FAM184B: variants seen among roughly 807,000 people sequenced by gnomAD.
FAM184B encodes family with sequence similarity 184 member B.
FAM184B carries 111 observed loss-of-function variants against 135.9 expected under a neutral mutation model. The observed-to-expected ratio is 0.82, with a 90% CI of 0.70 to 0.96. The LOEUF is 0.96. Ranked by LOEUF, FAM184B falls within the 40% of genes least tolerant of loss-of-function variation. The pLI, the probability that FAM184B is intolerant of heterozygous loss-of-function variation, is 0.00. For missense variants in FAM184B, 1,375 were observed against 1,323.9 expected (o/e 1.04, Z -0.60); for synonymous variants, 552 against 524.8 (o/e 1.05, Z -0.71).
intron 1 of FAM184B, among the ~76,000 whole-genome samples, chr4:17,765,864 G>T (rs902357195): frequency 6.6e-6 from 1 of 151,962 alleles, no homozygotes; most frequent in East Asian, 1.9e-4. Flanking sequence ...TGGAGAGTTC[G>T]GGGTCTCCCT....
At chr4:17,671,009 G>A (rs1174523141) in intron 7 of FAM184B, among the ~76,000 whole-genome samples, 1 of 152,168 alleles carries the variant, frequency 6.6e-6, no homozygotes, top group Non-Finnish European at 1.5e-5. Flanking sequence ...ATGGTAGAAG[G>A]AAGTCCTGAT....
chr4:17,662,888 C>G (rs1356051156), intron 8 of FAM184B, among the ~76,000 whole-genome samples: 2 of 152,136 alleles, frequency 1.3e-5, no homozygotes, highest in Non-Finnish European at 2.9e-5. Context: ...TTCCTGATGA[C>G]TAATGATGTT....
chr4:17,632,570 G>A lies in FAM184B; in HGVS notation c.3145C>T (p.Pro1049Ser). 6.4e-7 allele frequency: 1 copy of A among 1,551,434 alleles called. No homozygotes were observed. Among genetic ancestry groups the A allele is most frequent in the Non-Finnish European group, 8.7e-7 (1 of 1,146,800 alleles). Reference protein sequence around the residue: ...AKEVQQKQGSPHQEWFTKYFS... With the variant: ...AKEVQQKQGSSHQEWFTKYFS... The stretch of plus-strand genomic sequence containing the variant: ...TACTTGGTGAACCATTCCTGGTGCG[G>A]AGAGCCCTGTTTCTGCTGGACTTCT... The change falls in exon 18 of 18, where the codon CCG (proline) becomes TCG (serine). Residue 1049 changes from proline to serine, a missense_variant. Pro to Ser is a moderately conservative substitution (Grantham distance 74). Coordinates refer to ENST00000265018, the MANE Select transcript of FAM184B (RefSeq NM_015688.2).
At chr4:17,721,762 A>C (rs1008709035) in intron 1 of FAM184B, among the ~76,000 whole-genome samples, 2 of 152,188 alleles carry the variant, frequency 1.3e-5, no homozygotes, top group African/African-American at 2.4e-5. Flanking sequence ...GCCCTGCCCC[A>C]GACAGCCTGA....
chr4:17,672,038 A>G (rs1716179025), intron 7 of FAM184B, among the ~76,000 whole-genome samples: 2 of 152,178 alleles, frequency 1.3e-5, no homozygotes, highest in South Asian at 4.1e-4. Flanking sequence ...GGAAATAAGC[A>G]TGCAGATCCA....
intron 5 of FAM184B, among the ~76,000 whole-genome samples, chr4:17,698,964 A>G (rs1243887319): frequency 6.6e-6 from 1 of 152,136 alleles, no homozygotes; most frequent in Non-Finnish European, 1.5e-5. Context: ...AATAAAAAAG[A>G]CCCAAAAGTG....
chr4:17,654,887 C>G (rs75594511), intron 10 of FAM184B, among the ~76,000 whole-genome samples: 3,663 of 152,288 alleles, frequency 0.024, 139 homozygotes, highest in African/African-American at 0.083. Context: ...AGGTCTCACT[C>G]TGTTGCCCAG....
chr4:17,710,744 G>C (rs750931850), intron 1 of FAM184B, among the ~76,000 whole-genome samples: 1 of 152,206 alleles, frequency 6.6e-6, no homozygotes, highest in Admixed American at 6.5e-5. Context: ...TGAGAAGCCC[G>C]GGAATGAAGA....
intron 7 of FAM184B, among the ~76,000 whole-genome samples, chr4:17,671,032 C>T (rs1716158915): frequency 6.6e-6 from 1 of 151,904 alleles, no homozygotes; most frequent in African/African-American, 2.4e-5. Flanking sequence ...CTTTTTTCCC[C>T]AATAAGCATA....
chr4:17,689,553 C>G (rs1716672098), intron 6 of FAM184B, among the ~76,000 whole-genome samples: 1 of 152,110 alleles, frequency 6.6e-6, no homozygotes, highest in South Asian at 2.1e-4. Context: ...CCCAATGACA[C>G]TCAGTAGAGA....
rs138935974 is a variant in FAM184B at position 17,711,119 on chromosome 4, G to A, written c.142-1475C>T. On this transcript the variant is annotated intron_variant, in intron 1 of 17. Transcript: ENST00000265018. ...TGTAATCCCAGCACTTTGGGAGGCT[G>A]AGGTAGGAGGATTACTTGAGCATAA... Among the ~76,000 whole-genome samples the A allele has an allele frequency of 1.7e-3, 256 of 152,184 alleles. 1 individual carries two copies. Among genetic ancestry groups the A allele is most frequent in the African/African-American group, 5.8e-3 (239 of 41,514 alleles).
At chr4:17,761,409 GTTGT>G (rs1718544220) in intron 1 of FAM184B, among the ~76,000 whole-genome samples, 1 of 152,192 alleles carries the variant, frequency 6.6e-6, no homozygotes, top group African/African-American at 2.4e-5. Context: ...ATAAATATCT[GTTGT>G]TTAAGCTATC....
chr4:17,734,464 T>G (rs1457925341), intron 1 of FAM184B, among the ~76,000 whole-genome samples: 1 of 151,922 alleles, frequency 6.6e-6, no homozygotes, highest in Non-Finnish European at 1.5e-5. Flanking sequence ...GAATCTACAA[T>G]GAACTCAAAC....
rs956344369 is a variant in FAM184B at position 17,631,799 on chromosome 4, A to G, written c.*733T>C. The G allele has an allele frequency of 6.6e-6, 1 of 152,020 alleles. No homozygotes were observed. The highest frequency in any genetic ancestry group is 2.4e-5 in the African/African-American group (1 of 41,358). The allele number at this position is 152,020 out of a possible 1,614,324, so 9.4% of individuals were successfully genotyped here. A position where few individuals can be genotyped will look rare whatever the true frequency, so the allele number is the denominator to read the frequency against. On this transcript the variant is annotated 3_prime_UTR_variant, in exon 18 of 18. Transcript: ENST00000265018. ...CTGTTTAACTGTTATTTGTCTTCCT[A>G]TTGAGGTTAGATGTGCATTTTGGAA...
In FAM184B at chr4:17,746,838, G is replaced by A. The variant is rs551704122; in HGVS notation, c.141+34321C>T. 2.0e-5 allele frequency among the ~76,000 whole-genome samples: 3 copies of A among 151,884 alleles called. No homozygotes were observed. The South Asian group carries it at 6.2e-4, about 32-fold the overall frequency. ...GGATCACCTGAGGTCAGGAGTTCGAGACCAGCCTGACCAACATGGAGAAAC... is the reference window on the plus strand; with the variant it reads ...GGATCACCTGAGGTCAGGAGTTCGAAACCAGCCTGACCAACATGGAGAAAC... On this transcript the variant is annotated intron_variant, in intron 1 of 17. Transcript: ENST00000265018.
In FAM184B at chr4:17,767,083, G is replaced by A. The variant is rs534345047; in HGVS notation, c.141+14076C>T. Among the ~76,000 whole-genome samples, 230 of 152,228 alleles carry A rather than the reference G, an allele frequency of 1.5e-3. 3 individuals are homozygous for A. Among genetic ancestry groups the A allele is most frequent in the Middle Eastern group, 0.01 (3 of 294 alleles). On this transcript the variant is annotated intron_variant, in intron 1 of 17. Coordinates refer to ENST00000265018, the MANE Select transcript of FAM184B (RefSeq NM_015688.2). Reference sequence around the variant, plus strand: ...CCCCTCACTGCCTGGGGCCAGCAGCGCCAGCCGGCCCCTCCGAGTGCGGGG... The same window carrying A: ...CCCCTCACTGCCTGGGGCCAGCAGCACCAGCCGGCCCCTCCGAGTGCGGGG...
chr4:17,738,248 G>C (rs1717952750), intron 1 of FAM184B, among the ~76,000 whole-genome samples: 1 of 152,028 alleles, frequency 6.6e-6, no homozygotes, highest in Admixed American at 6.6e-5. Flanking sequence ...GGAAGGGTAT[G>C]AATTCAGAGT....
intron 1 of FAM184B, among the ~76,000 whole-genome samples, chr4:17,750,591 C>T (rs956507962): frequency 1.3e-5 from 2 of 152,156 alleles, no homozygotes; most frequent in African/African-American, 4.8e-5. Flanking sequence ...CAGTGGATGT[C>T]AGAAGCTCCC....
intron 1 of FAM184B, among the ~76,000 whole-genome samples, chr4:17,717,632 G>C (rs1335434425): frequency 6.6e-6 from 1 of 152,158 alleles, no homozygotes; most frequent in Non-Finnish European, 1.5e-5. Context: ...ATCCACTGCT[G>C]ATGGGTTGAC....
Sources: gnomAD v4.1 joint callset for allele counts (sites outside exome capture counted in the v4.1 genomes callset) on GRCh38, gnomAD v4.1.1 for gene constraint, MANE v1.5 for transcripts, NCBI Gene and HGNC (gene_info 2026-07-23, HGNC 2026-07-21) for gene names.